ZMIZ1: variants seen among roughly 807,000 people sequenced by gnomAD.
ZMIZ1 encodes zinc finger MIZ domain-containing protein 1.
A neutral mutation model predicts 113.9 loss-of-function variants in ZMIZ1; 17 were observed. The observed-to-expected ratio is 0.15, with a 90% CI of 0.10 to 0.22. The LOEUF is 0.22. ZMIZ1 is among the 10% of genes least tolerant of loss of function. The pLI is 1.00. For synonymous variants in ZMIZ1, 607 were observed against 603.1 expected, an observed-to-expected ratio of 1.01 and a Z score of -0.09; for missense variants, 1,059 against 1,477.8, an observed-to-expected ratio of 0.72 and a Z score of 4.65.
chr10:79,111,528 A>G (rs1589283259), intron 1 of ZMIZ1, among the ~76,000 whole-genome samples: 1 of 152,148 alleles, frequency 6.6e-6, no homozygotes, highest in Non-Finnish European at 1.5e-5. Context: ...GCAGATGGCC[A>G]GGGGGTGTGG....
At chr10:79,292,021 G>A in intron 10 of ZMIZ1, 137 bp from the exon 11 acceptor site, 1 of 878,668 alleles carries the variant, frequency 1.1e-6, no homozygotes, top group South Asian at 1.6e-5. Context: ...ACAAATGAAT[G>A]GCTGCCAATC....
chr10:79,194,082 G>A (rs1213146745), intron 4 of ZMIZ1, among the ~76,000 whole-genome samples: 1 of 152,252 alleles, frequency 6.6e-6, no homozygotes, highest in Non-Finnish European at 1.5e-5. Flanking sequence ...CTCGCGGGCT[G>A]TAGGCAGAGC....
At position 79,296,494 on chromosome 10, in the gene ZMIZ1, T is replaced by C; in HGVS notation, c.1254T>C (p.Tyr418=). Residue 418 remains tyrosine (Y), a synonymous_variant, in exon 13 of 25, where the codon TAT becomes TAC. Coordinates refer to ENST00000334512, the MANE Select transcript of ZMIZ1 (RefSeq NM_020338.4). The surrounding 1 kb of genome is among the most constrained non-coding windows in gnomAD (Gnocchi z 4.1). ...AGCCCAACTATGGAAACCAGCAATA[T>C]GGACCAAACAGCCAGTTCCCCACCC... ...PGEPNYGNQQ[Y]GPNSQFPTQP... is the part of the protein sequence containing the mutation. 6.2e-7 allele frequency: 1 copy of C among 1,613,998 alleles called. No homozygotes were observed. The highest frequency in any genetic ancestry group is 8.5e-7 in the Non-Finnish European group (1 of 1,179,994).
At chr10:79,279,005 C>T (rs938752539) in intron 8 of ZMIZ1, among the ~76,000 whole-genome samples, 3 of 151,936 alleles carry the variant, frequency 2.0e-5, no homozygotes, top group South Asian at 2.1e-4. Flanking sequence ...ACTTCCCAGA[C>T]GGGGTGGCCG....
At chr10:79,098,920 C>T (rs1366950169) in intron 1 of ZMIZ1, among the ~76,000 whole-genome samples, 2 of 152,214 alleles carry the variant, frequency 1.3e-5, no homozygotes, top group Non-Finnish European at 2.9e-5. Flanking sequence ...ACTTCTGAGA[C>T]TGGGGACTTG....
chr10:79,199,003 C>CA (rs1847957090), intron 4 of ZMIZ1, among the ~76,000 whole-genome samples: 1 of 150,266 alleles, frequency 6.7e-6, no homozygotes. Context: ...CATTGCACTC[C>CA]GCCTGGGCAA....
rs773095313 is a variant in ZMIZ1 at position 79,312,650 on chromosome 10, C to G, written c.3105C>G (p.Pro1035=). 1 of 1,614,086 alleles carries G rather than the reference C, an allele frequency of 6.2e-7. No individual in the cohort carries two copies. The highest frequency in any genetic ancestry group is 1.3e-5 in the African/African-American group (1 of 74,936). ...DMPEPSLDLL[P]ELTNPDELLS... is the part of the protein sequence containing the mutation. ...TACTCCTTCTTTTCCAGCTCCTTCC[C>G]GAACTCACAAATCCTGACGAGCTCC... Residue 1035 remains proline (P), a synonymous_variant, in exon 25 of 25, where the codon CCC becomes CCG. Transcript: ENST00000334512.
chr10:79,221,020 G>T (rs974455747), intron 7 of ZMIZ1, among the ~76,000 whole-genome samples: 1 of 152,130 alleles, frequency 6.6e-6, no homozygotes, highest in African/African-American at 2.4e-5. Context: ...TGGTGTTTGT[G>T]CATGGCTGTG....
At chr10:79,255,596 A>T (rs7893636) in intron 7 of ZMIZ1, among the ~76,000 whole-genome samples, 7,445 of 151,612 alleles carry the variant, frequency 0.049, 605 homozygotes, top group African/African-American at 0.17. Flanking sequence ...CTCCAAGTGT[A>T]CCTTCCATGT....
intron 7 of ZMIZ1, among the ~76,000 whole-genome samples, chr10:79,264,036 G>C (rs1352311104): frequency 6.6e-6 from 1 of 152,226 alleles, no homozygotes; most frequent in African/African-American, 2.4e-5. Flanking sequence ...AACGGGCAGT[G>C]ATGTTTAGCC....
At chr10:79,123,914 C>G (rs1244127000) in intron 2 of ZMIZ1, among the ~76,000 whole-genome samples, 1 of 152,248 alleles carries the variant, frequency 6.6e-6, no homozygotes, top group Non-Finnish European at 1.5e-5. Flanking sequence ...ATATGGCATG[C>G]CTGTCAATCT....
intron 22 of ZMIZ1, 83 bp downstream of exon 22, chr10:79,306,427 T>G: frequency 6.4e-7 from 1 of 1,559,218 alleles, no homozygotes; most frequent in Non-Finnish European, 8.6e-7. Flanking sequence ...GTGCTGATGG[T>G]GGCAGGGGTC....
At chr10:79,275,124 A>G (rs1852194045) in intron 7 of ZMIZ1, among the ~76,000 whole-genome samples, 1 of 152,190 alleles carries the variant, frequency 6.6e-6, no homozygotes, top group Non-Finnish European at 1.5e-5. Context: ...GGCCTGGGAG[A>G]AGGATGGAGT....
In ZMIZ1 at chr10:79,304,021, G is replaced by A. The variant is rs1341601025; in HGVS notation, c.2132G>A (p.Arg711Gln). The A allele has an allele frequency of 6.8e-6, 11 of 1,614,048 alleles. No homozygotes were observed. Among genetic ancestry groups the A allele is most frequent in the South Asian group, 2.2e-5 (2 of 91,074 alleles). ...TGTGCCTCCTGCCCCGCAGTCAAGC[G>A]GAATTTCAGCAGCGTGGCTGCCTCC... ...PAEHCITKIK[R>Q]NFSSVAASSG... is the part of the protein sequence containing the mutation. The change falls in exon 19 of 25, where the codon CGG (arginine) becomes CAG (glutamine). Residue 711 changes from arginine to glutamine, a missense_variant. Physicochemically the swap from Arg to Gln is conservative, Grantham distance 43 (BLOSUM62 1). Transcript: ENST00000334512.
intron 1 of ZMIZ1, among the ~76,000 whole-genome samples, chr10:79,079,439 G>A (rs998329143): frequency 1.4e-4 from 22 of 152,252 alleles, no homozygotes; most frequent in Non-Finnish European, 2.6e-4. Flanking sequence ...GTAGTCCCTG[G>A]CCGTTGAATG....
At chr10:79,187,415 G>C (rs1847395173) in intron 4 of ZMIZ1, among the ~76,000 whole-genome samples, 1 of 152,360 alleles carries the variant, frequency 6.6e-6, no homozygotes, top group Non-Finnish European at 1.5e-5. Flanking sequence ...CCTTGGGCGA[G>C]TTGTGTAACC....
chr10:79,278,955 A>G (rs990798369), intron 8 of ZMIZ1, among the ~76,000 whole-genome samples: 4 of 152,086 alleles, frequency 2.6e-5, no homozygotes, highest in African/African-American at 9.7e-5. Context: ...TGTTGGGTAC[A>G]CCTCCCAGAC....
intron 7 of ZMIZ1, among the ~76,000 whole-genome samples, chr10:79,251,642 C>G (rs1850563035): frequency 2.6e-5 from 4 of 152,214 alleles, no homozygotes; most frequent in Admixed American, 2.6e-4. Context: ...AAATAGTCCC[C>G]CTGCCTCCAG....
chr10:79,312,643 T>A lies in ZMIZ1; in HGVS notation c.3098T>A (p.Leu1033His). 1 of 1,614,098 alleles carries A rather than the reference T, an allele frequency of 6.2e-7. No homozygotes were observed. The highest frequency in any genetic ancestry group is 8.5e-7 in the Non-Finnish European group (1 of 1,179,986). The change falls in exon 25 of 25, where the codon CTC (leucine) becomes CAC (histidine). Residue 1033 changes from leucine (L) to histidine (H), a missense_variant and splice_region_variant. Physicochemically the swap from Leu to His is moderately conservative, Grantham distance 99 (BLOSUM62 -3). Transcript: ENST00000334512. ...ASDMPEPSLD[L>H]LPELTNPDEL... ...ACTTCATTACTCCTTCTTTTCCAGC[T>A]CCTTCCCGAACTCACAAATCCTGAC...
Sources: gnomAD v4.1 joint callset for allele counts (sites outside exome capture counted in the v4.1 genomes callset) on GRCh38, gnomAD v4.1.1 for gene constraint, Gnocchi (gnomAD v3.1) non-coding constraint, MANE v1.5 for transcripts, NCBI Gene and HGNC (gene_info 2026-07-23, HGNC 2026-07-21) for gene names.